LIN54: variants seen among roughly 807,000 people sequenced by gnomAD.
The protein encoded by LIN54 is lin-54 DREAM MuvB core complex component.
A neutral mutation model predicts 78.7 loss-of-function variants in LIN54; 9 were observed. The observed-to-expected ratio is 0.11, with a 90% confidence interval of 0.07 to 0.20. The LOEUF (loss-of-function observed/expected upper bound fraction) is 0.20. Among genes scored for constraint, LIN54 ranks in the 10% least tolerant of loss-of-function variants. LIN54 has a pLI of 1.00. For synonymous variants in LIN54, 269 were observed against 318.4 expected (o/e 0.84, Z 1.65); for missense variants, 573 against 889.9 (o/e 0.64, Z 4.53).
chr4:82,957,422 TC>T (rs1724420180), intron 4 of LIN54, among the ~76,000 whole-genome samples: 1 of 152,242 alleles, frequency 6.6e-6, no homozygotes, highest in South Asian at 2.1e-4. Context: ...CTCAGAAACA[TC>T]CCAAGAGTCT....
intron 1 of LIN54, among the ~76,000 whole-genome samples, chr4:82,993,349 T>C (rs1727908701): frequency 6.6e-6 from 1 of 151,096 alleles, no homozygotes; most frequent in Admixed American, 6.6e-5. Flanking sequence ...CCCAAGTAGC[T>C]GGGATTATAG....
At chr4:82,934,265 G>A (rs1186160886) in intron 11 of LIN54, among the ~76,000 whole-genome samples, 1 of 152,142 alleles carries the variant, frequency 6.6e-6, no homozygotes, top group Non-Finnish European at 1.5e-5. Context: ...AATTACCTGG[G>A]CATGGTGGCA....
chr4:83,010,556 GC>G lies in LIN54; in HGVS notation c.-106del. The G allele has an allele frequency of 8.2e-7, 1 of 1,212,232 alleles. No homozygotes were observed. The highest frequency in any genetic ancestry group is 3.4e-5 in the East Asian group (1 of 29,730). The allele number at this position is 1,212,232 out of a possible 1,614,324, so 75.1% of individuals were successfully genotyped here. ...TCCAGAAGGTCCTGGGCAATCCCGA[GC>G]CCCGGCGGGGCTTGTTTTGCCCGTG... On this transcript the variant is annotated 5_prime_UTR_variant, in exon 1 of 13. Coordinates refer to ENST00000340417, the MANE Select transcript of LIN54 (RefSeq NM_194282.4).
chr4:82,936,158 A>C, intron 10 of LIN54, 40 bp from the exon 11 acceptor site: 7 of 1,611,398 alleles, frequency 4.3e-6, no homozygotes, highest in Non-Finnish European at 5.1e-6. Flanking sequence ...GTTAAATCAC[A>C]GTAGATGAAA....
chr4:83,005,711 TCAGCTGTAGAAAG>T (rs1729298743), intron 1 of LIN54, among the ~76,000 whole-genome samples: 1 of 152,102 alleles, frequency 6.6e-6, no homozygotes, highest in Admixed American at 6.6e-5. Context: ...GTAAATTAGT[TCAGCTGTAGAAAG>T]CATCTTAGTG....
chr4:83,011,900 A>C, upstream of LIN54: 1 of 345,760 alleles, frequency 2.9e-6, no homozygotes, highest in Non-Finnish European at 4.1e-6. Context: ...ATTCAACCAC[A>C]ACATAAGCTC....
chr4:82,937,370 T>C, intron 8 of LIN54, 72 bp from the exon 9 acceptor site: 1 of 953,936 alleles, frequency 1.0e-6, no homozygotes, highest in Non-Finnish European at 1.5e-6. Context: ...TTGCTACAAC[T>C]AATTTAAAAT....
chr4:82,955,776 A>G (rs1724274496), intron 4 of LIN54, among the ~76,000 whole-genome samples: 1 of 151,982 alleles, frequency 6.6e-6, no homozygotes, highest in Admixed American at 6.6e-5. Flanking sequence ...AAAAAATTAA[A>G]AGACTGTGCG....
chr4:82,984,091 A>T (rs1292485085), intron 2 of LIN54, 70 bp downstream of exon 2: 1 of 1,056,100 alleles, frequency 9.5e-7, no homozygotes, highest in Non-Finnish European at 1.4e-6. Flanking sequence ...AACCCTATAA[A>T]CACAACTATG....
chr4:82,938,241 T>C (rs1303346518), intron 8 of LIN54, among the ~76,000 whole-genome samples, 172 bp downstream of exon 8: 3 of 152,234 alleles, frequency 2.0e-5, no homozygotes, highest in Non-Finnish European at 4.4e-5. Context: ...TATTTGGGAA[T>C]TGACTATTTC....
At chr4:82,937,715 T>C (rs549803569) in intron 8 of LIN54, among the ~76,000 whole-genome samples, 12 of 152,272 alleles carry the variant, frequency 7.9e-5, no homozygotes, top group African/African-American at 2.9e-4. Flanking sequence ...GAGGAGGAAA[T>C]GGAAGTGGGA....
At chr4:82,987,891 T>C (rs1256078791) in intron 1 of LIN54, among the ~76,000 whole-genome samples, 1 of 152,272 alleles carries the variant, frequency 6.6e-6, no homozygotes, top group African/African-American at 2.4e-5. Flanking sequence ...TTTGGGTACA[T>C]ACCCAGTAAT....
upstream of LIN54, chr4:83,011,903 A>C (rs889736828): frequency 5.4e-6 from 2 of 373,340 alleles, no homozygotes; most frequent in African/African-American, 4.4e-5. Context: ...CAACCACAAC[A>C]TAAGCTCTGG....
In LIN54 at chr4:82,984,727, T is replaced by C. The variant is rs1578611049; in HGVS notation, c.118A>G (p.Met40Val). 6.2e-7 allele frequency: 1 copy of C among 1,614,122 alleles called. No individual in the cohort carries two copies. Among genetic ancestry groups the C allele is most frequent in the South Asian group, 1.1e-5 (1 of 91,078 alleles). ...EAVIVSSPIP[M>V]ETELEEIVNI... ...ACAATTTCTTCCAGTTCTGTCTCCA[T>C]GGGAATTGGGGATGAAACAATAACA... The change falls in exon 2 of 13, where the codon ATG (methionine) becomes GTG (valine). Residue 40 changes from methionine to valine, a missense_variant. This residue lies in a region of LIN54 where 183 missense variants were observed against 228.4 expected (regional missense o/e 0.80). Transcript: ENST00000340417.
chr4:82,929,760 C>G (rs918430840), intron 12 of LIN54, among the ~76,000 whole-genome samples: 1 of 152,054 alleles, frequency 6.6e-6, no homozygotes, highest in African/African-American at 2.4e-5. Context: ...GAGCTGAGAT[C>G]ATGACACTGC....
intron 1 of LIN54, among the ~76,000 whole-genome samples, chr4:82,995,669 G>A (rs897244724): frequency 4.6e-5 from 7 of 150,632 alleles, no homozygotes; most frequent in Non-Finnish European, 3.0e-5. Context: ...CTAATTTTTT[G>A]TATTTTTAGT....
chr4:82,992,415 C>T (rs1202774157), intron 1 of LIN54, among the ~76,000 whole-genome samples: 1 of 152,050 alleles, frequency 6.6e-6, no homozygotes, highest in African/African-American at 2.4e-5. Context: ...TGGTGGCTCA[C>T]ACCTGTAATC....
intron 1 of LIN54, among the ~76,000 whole-genome samples, chr4:83,007,635 C>T (rs1435367148): frequency 6.6e-6 from 1 of 152,182 alleles, no homozygotes; most frequent in African/African-American, 2.4e-5. Context: ...CGCCTGTAAC[C>T]TCAACACTTT....
chr4:82,930,998 G>C lies in LIN54; in HGVS notation c.1993C>G (p.Gln665Glu). 6.2e-7 allele frequency: 1 copy of C among 1,614,204 alleles called. No individual in the cohort carries two copies. Among genetic ancestry groups the C allele is most frequent in the South Asian group, 1.1e-5 (1 of 91,080 alleles). ...GGCCTAGTAAGCAAGTCTGAAATTTGAGAGGATAACTTCGTCTTGGCTGCT... is the reference window on the plus strand; with the variant it reads ...GGCCTAGTAAGCAAGTCTGAAATTTCAGAGGATAACTTCGTCTTGGCTGCT... ...QTAAKTKLSS[Q>E]ISDLLTRPTP... The change falls in exon 12 of 13, where the codon CAA (glutamine) becomes GAA (glutamate). Residue 665 changes from glutamine to glutamate, a missense_variant. Gln to Glu is a conservative substitution (Grantham distance 29). Coordinates refer to ENST00000340417, the MANE Select transcript of LIN54 (RefSeq NM_194282.4).
Sources: allele counts gnomAD v4.1 joint callset (sites outside exome capture counted in the v4.1 genomes callset), GRCh38; gene constraint gnomAD v4.1.1; regional missense constraint gnomAD v4.1.1; transcripts MANE v1.5; gene names NCBI Gene and HGNC (gene_info 2026-07-23, HGNC 2026-07-21).